RARB: variants seen among roughly 807,000 people sequenced by gnomAD.
The protein encoded by RARB is HBV-activated protein.
A neutral mutation model predicts 51.9 loss-of-function variants in RARB; 17 were observed. The observed-to-expected ratio is 0.33, with a 90% CI of 0.22 to 0.49. The LOEUF (loss-of-function observed/expected upper bound fraction) is 0.49. Ranked by LOEUF, RARB falls within the 20% of genes least tolerant of loss-of-function variation. RARB has a pLI of 0.99. For missense variants in RARB, 369 were observed against 550.8 expected, an observed-to-expected ratio of 0.67 and a Z score of 3.30; for synonymous variants, 215 against 195.4, an observed-to-expected ratio of 1.10 and a Z score of -0.84.
intron 3 of RARB, among the ~76,000 whole-genome samples, chr3:25,515,542 A>C (rs943239411): frequency 4.6e-5 from 7 of 152,244 alleles, no homozygotes; most frequent in Admixed American, 3.9e-4. Context: ...ATGTCTGTCA[A>C]CAGTAGAATG....
intron 5 of RARB, among the ~76,000 whole-genome samples, chr3:25,277,260 A>G (rs1213067604): frequency 6.6e-6 from 1 of 152,172 alleles, no homozygotes; most frequent in African/African-American, 2.4e-5. Flanking sequence ...AGATAGGCCA[A>G]CAAGAGCCAA....
At chr3:25,581,580 G>A (rs1002593542) in intron 5 of RARB, among the ~76,000 whole-genome samples, 6 of 152,196 alleles carry the variant, frequency 3.9e-5, no homozygotes, top group Non-Finnish European at 7.3e-5. Context: ...TGAGGAAACT[G>A]AGGCCCACAG....
chr3:25,206,408 A>C (rs181660404), intron 5 of RARB, among the ~76,000 whole-genome samples: 2 of 152,236 alleles, frequency 1.3e-5, no homozygotes, highest in Non-Finnish European at 2.9e-5. Context: ...AAAAATGTGT[A>C]AATCACTACT....
intron 2 of RARB, among the ~76,000 whole-genome samples, chr3:24,871,860 C>G (rs745958503): frequency 6.6e-6 from 1 of 152,086 alleles, no homozygotes; most frequent in African/African-American, 2.4e-5. Context: ...TTTATTGCCT[C>G]GCTAGTAATC....
intron 2 of RARB, among the ~76,000 whole-genome samples, chr3:25,032,838 A>G (rs977959655): frequency 1.3e-5 from 2 of 152,244 alleles, no homozygotes; most frequent in African/African-American, 4.8e-5. Context: ...TCACTAAGGC[A>G]TAAGGACTAG....
intron 5 of RARB, among the ~76,000 whole-genome samples, chr3:25,385,967 A>G (rs1233337947): frequency 6.6e-6 from 1 of 152,098 alleles, no homozygotes; most frequent in Non-Finnish European, 1.5e-5. Flanking sequence ...GCTTTCCTCA[A>G]GCTTGTTTGT....
chr3:25,374,895 C>G (rs1226712421), intron 5 of RARB, among the ~76,000 whole-genome samples: 1 of 152,210 alleles, frequency 6.6e-6, no homozygotes, highest in Non-Finnish European at 1.5e-5. Context: ...AGGAGCACAT[C>G]TAGAAAACAC....
chr3:25,588,254 C>A (rs1326644791), intron 5 of RARB, among the ~76,000 whole-genome samples: 1 of 152,156 alleles, frequency 6.6e-6, no homozygotes, highest in African/African-American at 2.4e-5. Context: ...AAAGCGGACA[C>A]AAAAGAGAAT....
At chr3:25,173,540 A>C (rs1158134743) in intron 4 of RARB, among the ~76,000 whole-genome samples, 1 of 152,214 alleles carries the variant, frequency 6.6e-6, no homozygotes, top group Non-Finnish European at 1.5e-5. Context: ...TAATTTTATT[A>C]TCTTGGCTAT....
chr3:25,020,550 C>A (rs193044147), intron 2 of RARB: 5 of 152,046 alleles, frequency 3.3e-5, no homozygotes, highest in African/African-American at 1.2e-4. Context: ...TCTAATATAT[C>A]CTTCCCTGAT....
Position 25,503,799 on chromosome 3 carries a change from C to T in RARB, c.448+2476C>T, listed in dbSNP as rs572331214. On this transcript the variant is annotated intron_variant, in intron 3 of 7. Transcript: ENST00000330688. ...ACCAATTATACCACAGTATACGCAA[C>T]TGAAATGAAACCAAGAATAATAGAT... Among the ~76,000 whole-genome samples, 5 of 152,262 alleles carry T rather than the reference C, an allele frequency of 3.3e-5. No individual in the cohort carries two copies. In the East Asian group the frequency reaches 9.6e-4, roughly 29 times the overall value.
At chr3:25,241,188 G>A (rs1388615656) in intron 5 of RARB, among the ~76,000 whole-genome samples, 2 of 152,120 alleles carry the variant, frequency 1.3e-5, no homozygotes, top group Non-Finnish European at 2.9e-5. Flanking sequence ...GGGCATTCTG[G>A]AACATGCTGT....
chr3:25,473,921 G>A (rs200617577), intron 2 of RARB, among the ~76,000 whole-genome samples: 14 of 108,304 alleles, frequency 1.3e-4, no homozygotes, highest in Admixed American at 2.1e-4. Flanking sequence ...TGTCTGGCAG[G>A]AAAAAAAAAA....
At chr3:25,208,036 TGGG>T (rs1285314176) in intron 5 of RARB, among the ~76,000 whole-genome samples, 2 of 149,374 alleles carry the variant, frequency 1.3e-5, no homozygotes, top group Non-Finnish European at 3.0e-5. Context: ...GGGAGCAAAT[TGGG>T]GGAATGCTAC....
chr3:25,337,073 G>C (rs746017114), intron 5 of RARB, among the ~76,000 whole-genome samples: 26 of 152,186 alleles, frequency 1.7e-4, no homozygotes, highest in Non-Finnish European at 3.7e-4. Flanking sequence ...TTAGATCTCA[G>C]CATCAGAATG....
At position 25,319,460 on chromosome 3, in the gene RARB, G is replaced by T. The variant is rs115402448; in HGVS notation, c.179-141733G>T. Among the ~76,000 whole-genome samples, 311 of 152,242 alleles carry T rather than the reference G, an allele frequency of 2.0e-3. 4 individuals carry two copies. The highest frequency in any genetic ancestry group is 6.8e-3 in the African/African-American group (284 of 41,556). On this transcript the variant is annotated intron_variant, in intron 5 of 11. Coordinates refer to the RARB transcript ENST00000383772. The stretch of plus-strand genomic sequence containing the variant: ...TGACAGCTGCATTATGGGTAAGACT[G>T]TCATCAATTCTCCTTCTCAACACAT...
At chr3:24,978,756 T>C (rs1240670555) in intron 2 of RARB, among the ~76,000 whole-genome samples, 1 of 152,126 alleles carries the variant, frequency 6.6e-6, no homozygotes, top group Non-Finnish European at 1.5e-5. Flanking sequence ...TCTCCTTTAG[T>C]TCTGCTCTGA....
At chr3:25,001,260 C>T (rs928507863) in intron 2 of RARB, among the ~76,000 whole-genome samples, 4 of 152,022 alleles carry the variant, frequency 2.6e-5, no homozygotes, top group Non-Finnish European at 4.4e-5. Flanking sequence ...ATAAAACCAG[C>T]TGTGGTTTTT....
chr3:24,962,750 G>A (rs528903794), intron 2 of RARB, among the ~76,000 whole-genome samples: 15 of 152,268 alleles, frequency 9.9e-5, no homozygotes, highest in Non-Finnish European at 2.1e-4. Context: ...CTAAATCCAC[G>A]AAAGCAGTCT....
Sources: allele counts gnomAD v4.1 joint callset (sites outside exome capture counted in the v4.1 genomes callset), GRCh38; gene constraint gnomAD v4.1.1; transcripts MANE v1.5; gene names NCBI Gene and HGNC (gene_info 2026-07-23, HGNC 2026-07-21).